SEC11A: variants seen among roughly 807,000 people sequenced by gnomAD.
The protein encoded by SEC11A is SEC11 homolog A, signal peptidase complex subunit, also known as signal peptidase complex catalytic subunit SEC11A.
A neutral mutation model predicts 25.6 loss-of-function variants in SEC11A; 14 were observed. The observed-to-expected ratio is 0.55, with a 90% CI of 0.36 to 0.85. The LOEUF is 0.85. SEC11A is among the 40% of genes least tolerant of loss of function. The pLI is 0.01. For synonymous variants in SEC11A, 83 were observed against 76.4 expected (o/e 1.09, Z -0.45); for missense variants, 153 against 222.9 (o/e 0.69, Z 2.00).
chr15:84,672,718 G>A, intron 4 of SEC11A: 2 of 181,038 alleles, frequency 1.1e-5, no homozygotes, highest in South Asian at 1.6e-4. Flanking sequence ...TCTCTGCCTG[G>A]CTGCCCATCG....
rs1897454016 is a variant in SEC11A, at chr15:84,687,237, C to T, written c.311+388G>A. On this transcript the variant is annotated intron_variant, in intron 3 of 5. Coordinates refer to ENST00000268220, the MANE Select transcript of SEC11A (RefSeq NM_014300.4). Reference sequence around the variant, plus strand: ...CCATGTTGCCCAGGCTGACCTCAAACTCCTGAGCTCAAGCCATTCTCTCAC... The same window carrying T: ...CCATGTTGCCCAGGCTGACCTCAAATTCCTGAGCTCAAGCCATTCTCTCAC... Among the ~76,000 whole-genome samples the T allele has an allele frequency of 3.3e-5, 5 of 152,282 alleles. No homozygotes were observed. The Middle Eastern group carries it at 0.017, about 522-fold the overall frequency.
chr15:84,671,104 G>C (rs1352501654), intron 4 of SEC11A: 2 of 179,952 alleles, frequency 1.1e-5, no homozygotes, highest in Non-Finnish European at 2.3e-5. Context: ...CTAGGGGCTA[G>C]GTTTATCATC....
At chr15:84,678,225 A>G (rs1897192664) in intron 4 of SEC11A, among the ~76,000 whole-genome samples, 1 of 152,010 alleles carries the variant, frequency 6.6e-6, no homozygotes, top group African/African-American at 2.4e-5. Flanking sequence ...CTCTGCCTCA[A>G]AAAAAAGAAA....
intron 3 of SEC11A, among the ~76,000 whole-genome samples, chr15:84,684,628 T>A (rs891534040): frequency 1.3e-5 from 2 of 152,130 alleles, no homozygotes; most frequent in Non-Finnish European, 2.9e-5. Flanking sequence ...AAGAACAATG[T>A]TAATACTATT....
chr15:84,672,702 G>C, intron 4 of SEC11A: 1 of 191,416 alleles, frequency 5.2e-6, no homozygotes. Flanking sequence ...TGGGAAGTGA[G>C]GAGCGTCTCT....
chr15:84,677,503 C>T (rs1275608457), intron 4 of SEC11A, among the ~76,000 whole-genome samples: 2 of 149,222 alleles, frequency 1.3e-5, no homozygotes, highest in African/African-American at 2.5e-5. Context: ...GACAGAGTGC[C>T]GCTCTGTCAC....
At chr15:84,671,528 A>C (rs1896982743) in intron 4 of SEC11A, 1 of 152,164 alleles carries the variant, frequency 6.6e-6, no homozygotes, top group Non-Finnish European at 1.5e-5. Flanking sequence ...TTTTCCCCTC[A>C]AACTAAGCAA....
intron 3 of SEC11A, chr15:84,686,970 T>A (rs1382310024): frequency 2.0e-5 from 3 of 152,372 alleles, no homozygotes; most frequent in Admixed American, 6.6e-5. Context: ...CCTCCCAGGT[T>A]CATGCAATTC....
chr15:84,701,631 T>C (rs1044807964), intron 1 of SEC11A, among the ~76,000 whole-genome samples: 1 of 152,100 alleles, frequency 6.6e-6, no homozygotes, highest in African/African-American at 2.4e-5. Flanking sequence ...TTCAATTATA[T>C]GCTGCCTACA....
chr15:84,702,665 A>C (rs4842980), intron 1 of SEC11A, among the ~76,000 whole-genome samples: 1 of 152,128 alleles, frequency 6.6e-6, no homozygotes, highest in Admixed American at 6.6e-5. Context: ...TTGATGAAGT[A>C]AGTCAATTCC....
At chr15:84,689,163 G>A (rs1897524248) in intron 2 of SEC11A, among the ~76,000 whole-genome samples, 1 of 152,012 alleles carries the variant, frequency 6.6e-6, no homozygotes, top group Admixed American at 6.6e-5. Flanking sequence ...GAGATCAGGA[G>A]TTCAAGACTC....
In SEC11A at chr15:84,716,001, GAAAAAGAGGACGGAC is replaced by G; in HGVS notation, c.51+9_51+23del. Reference sequence around the variant, plus strand: ...CTCGAAGGGACAAGAAGAGCCAGGAGAAAAAGAGGACGGACAAGCTCACCTGCCGCTTGTTCATCC... The same window carrying G: ...CTCGAAGGGACAAGAAGAGCCAGGAGAAGCTCACCTGCCGCTTGTTCATCC... On this transcript the variant is annotated intron_variant, in intron 1 of 5. Coordinates refer to ENST00000268220, the MANE Select transcript of SEC11A (RefSeq NM_014300.4). The G allele has an allele frequency of 6.2e-7, 1 of 1,612,124 alleles. No homozygotes were observed. The highest frequency in any genetic ancestry group is 1.1e-5 in the South Asian group (1 of 90,830).
intron 4 of SEC11A, among the ~76,000 whole-genome samples, chr15:84,680,431 C>A (rs553907136): frequency 2.2e-4 from 34 of 152,270 alleles, no homozygotes; most frequent in African/African-American, 7.2e-4. Context: ...TTGAGTGAAC[C>A]AAATAAGTGA....
Position 84,669,699 on chromosome 15 carries a change from G to C in SEC11A, c.*320C>G, listed in dbSNP as rs1457130992. The C allele has an allele frequency of 5.8e-6, 2 of 343,408 alleles. No homozygotes were observed. The highest frequency in any genetic ancestry group is 1.1e-5 in the Non-Finnish European group (2 of 183,276). The allele number at this position is 343,408 out of a possible 1,614,324, so 21.3% of individuals were successfully genotyped here. A position where few individuals can be genotyped will look rare whatever the true frequency, so the allele number is the denominator to read the frequency against. On this transcript the variant is annotated 3_prime_UTR_variant, in exon 6 of 6. Transcript: ENST00000268220. ...TCTCTGTAGGCACTTTAGAAGTGAA[G>C]CTTGGCTTCAAAATACAAACACTGG...
chr15:84,691,764 C>T (rs572996312), intron 1 of SEC11A, 120 bp from the exon 2 acceptor site: 5 of 591,458 alleles, frequency 8.5e-6, no homozygotes, highest in African/African-American at 7.5e-5. Context: ...AGTTCTGAGA[C>T]ATTCTTTAAT....
intron 4 of SEC11A, chr15:84,673,237 C>T (rs1897045695): frequency 5.0e-6 from 1 of 200,572 alleles, no homozygotes; most frequent in South Asian, 7.4e-5. Context: ...CCGGCCACCA[C>T]CCGGTCTGGG....
intron 1 of SEC11A, among the ~76,000 whole-genome samples, chr15:84,693,463 C>CT (rs11453399): frequency 0.98 from 140,620 of 143,816 alleles, 68,763 homozygotes; most frequent in South Asian, 0.99. Context: ...TTTTTCTCTT[C>CT]TTTTTTTTTT....
chr15:84,709,522 G>A (rs539843077), intron 1 of SEC11A, among the ~76,000 whole-genome samples: 2 of 151,002 alleles, frequency 1.3e-5, no homozygotes, highest in East Asian at 3.9e-4. Context: ...GGCTCACTAC[G>A]ACCACCGTCT....
At chr15:84,694,368 GA>G (rs1322467724) in intron 1 of SEC11A, among the ~76,000 whole-genome samples, 1 of 151,528 alleles carries the variant, frequency 6.6e-6, no homozygotes, top group Admixed American at 6.6e-5. Context: ...AAAAAAGGAA[GA>G]AAATAAAATA....
Sources: gnomAD v4.1 joint callset for allele counts (sites outside exome capture counted in the v4.1 genomes callset) on GRCh38, gnomAD v4.1.1 for gene constraint, MANE v1.5 for transcripts, NCBI Gene and HGNC (gene_info 2026-07-23, HGNC 2026-07-21) for gene names.